DPYD: variants seen among roughly 807,000 people sequenced by gnomAD.
DPYD encodes the protein dihydropyrimidine dehydrogenase [NADP(+)].
A neutral mutation model predicts 116.2 loss-of-function variants in DPYD; 109 were observed. The observed-to-expected ratio is 0.94, with a 90% CI of 0.80 to 1.10. The LOEUF is 1.10. DPYD is among the 50% of genes least tolerant of loss of function. The pLI, the probability that DPYD is intolerant of heterozygous loss-of-function variation, is 0.00. For missense variants in DPYD, 1,302 were observed against 1,254.5 expected (o/e 1.04, Z -0.57); for synonymous variants, 440 against 432.0 (o/e 1.02, Z -0.23).
intron 18 of DPYD, among the ~76,000 whole-genome samples, chr1:97,291,297 G>C (rs1168013954): frequency 3.9e-5 from 6 of 152,022 alleles, no homozygotes; most frequent in African/African-American, 1.4e-4. Flanking sequence ...CAGGGATCTA[G>C]AACTAGAAAT....
At chr1:97,157,902 C>G (rs1655594654) in intron 20 of DPYD, among the ~76,000 whole-genome samples, 1 of 152,046 alleles carries the variant, frequency 6.6e-6, no homozygotes, top group Non-Finnish European at 1.5e-5. Flanking sequence ...ATATCTGCAA[C>G]TAAAGAATAA....
chr1:97,735,520 CAA>C (rs767245436), intron 4 of DPYD, among the ~76,000 whole-genome samples: 406 of 99,842 alleles, frequency 4.1e-3, no homozygotes, highest in Middle Eastern at 0.011. Context: ...AATAAAAATA[CAA>C]AAAAAAAAAA....
intron 3 of DPYD, among the ~76,000 whole-genome samples, chr1:97,758,374 A>C (rs1182904335): frequency 1.4e-5 from 2 of 145,642 alleles, no homozygotes. Flanking sequence ...AAAAAAAAAA[A>C]CAGTTTCATT....
At chr1:97,119,090 A>G (rs970337) in intron 20 of DPYD, among the ~76,000 whole-genome samples, 83,898 of 151,950 alleles carry the variant, frequency 0.55, 23,887 homozygotes, top group African/African-American at 0.68. Context: ...AAGCATACTA[A>G]GTGTGTGATT....
intron 20 of DPYD, among the ~76,000 whole-genome samples, chr1:97,157,758 A>T (rs1439571810): frequency 2.6e-5 from 4 of 152,168 alleles, no homozygotes; most frequent in Non-Finnish European, 5.9e-5. Flanking sequence ...TATATTTTCA[A>T]GTTGTACCGA....
At chr1:97,185,051 G>C (rs890581184) in intron 20 of DPYD, among the ~76,000 whole-genome samples, 1 of 152,068 alleles carries the variant, frequency 6.6e-6, no homozygotes, top group Non-Finnish European at 1.5e-5. Context: ...TTAATGAATT[G>C]CTGAAGGCCA....
intron 20 of DPYD, among the ~76,000 whole-genome samples, chr1:97,158,469 C>CAGACACACACACACA (rs1450882944): frequency 2.0e-5 from 1 of 51,016 alleles, no homozygotes; most frequent in Non-Finnish European, 5.1e-5. Flanking sequence ...AGATAACTCA[C>CAGACACACACACACA]CAGACACACA....
intron 13 of DPYD, among the ~76,000 whole-genome samples, chr1:97,485,801 G>C (rs1395720089): frequency 6.6e-6 from 1 of 152,074 alleles, no homozygotes; most frequent in African/African-American, 2.4e-5. Context: ...TCTGCAGTTG[G>C]CTAAGTAACT....
Position 97,909,523 on chromosome 1 carries a change from C to G in DPYD, c.39+11361G>C, listed in dbSNP as rs115457404. On this transcript the variant is annotated intron_variant, in intron 1 of 22. Transcript: ENST00000370192. ...TTACTTCCTCACATTCTATTTTCTT[C>G]TCAAACCATTTTTATTAGGCTTCTT... is the stretch of plus-strand genomic sequence containing the variant. Among the ~76,000 whole-genome samples, 414 of 152,164 alleles carry G rather than the reference C, an allele frequency of 2.7e-3. 2 individuals are homozygous for G. The highest frequency in any genetic ancestry group is 5.0e-3 in the Non-Finnish European group (337 of 67,966).
At chr1:97,760,596 T>A (rs1454509956) in intron 3 of DPYD, among the ~76,000 whole-genome samples, 2 of 152,108 alleles carry the variant, frequency 1.3e-5, no homozygotes, top group African/African-American at 2.4e-5. Context: ...CCATTTTATA[T>A]CAGGGACTTG....
At chr1:97,185,373 A>C (rs1327813086) in intron 20 of DPYD, among the ~76,000 whole-genome samples, 2 of 152,174 alleles carry the variant, frequency 1.3e-5, no homozygotes, top group African/African-American at 4.8e-5. Flanking sequence ...ACACCCACCC[A>C]CAGCTGGTAG....
rs190516358 is a variant in DPYD at position 97,387,882 on chromosome 1, G to A, written c.1906-5421C>T. Among the ~76,000 whole-genome samples the A allele has an allele frequency of 2.0e-5, 3 of 152,240 alleles. No individual in the cohort carries two copies. In the East Asian group the frequency reaches 5.8e-4, roughly 29 times the overall value. ...ATCTCTGGGAGCTCTGAACCCTGTGGGAGATTGGGTTTTATTGTTGGTGTA... is the reference window on the plus strand; with the variant it reads ...ATCTCTGGGAGCTCTGAACCCTGTGAGAGATTGGGTTTTATTGTTGGTGTA... On this transcript the variant is annotated intron_variant, in intron 14 of 22. Coordinates refer to ENST00000370192, the MANE Select transcript of DPYD (RefSeq NM_000110.4).
intron 8 of DPYD, 55 bp from the exon 9 acceptor site, chr1:97,595,221 A>C: frequency 7.1e-7 from 1 of 1,415,044 alleles, no homozygotes. Context: ...TTTTCCTATT[A>C]GATATTAAAA....
chr1:97,147,115 C>T (rs557435695), intron 20 of DPYD, among the ~76,000 whole-genome samples: 3 of 152,172 alleles, frequency 2.0e-5, no homozygotes, highest in South Asian at 2.1e-4. Context: ...TTTGGGAGGC[C>T]GAGGCCAGTG....
At chr1:97,234,336 G>A (rs1661768540) in intron 19 of DPYD, among the ~76,000 whole-genome samples, 1 of 152,168 alleles carries the variant, frequency 6.6e-6, no homozygotes, top group Non-Finnish European at 1.5e-5. Context: ...ATCCCTTTAA[G>A]AGGACAAGGG....
At chr1:97,677,934 C>T (rs757274323) in intron 8 of DPYD, among the ~76,000 whole-genome samples, 5 of 152,132 alleles carry the variant, frequency 3.3e-5, no homozygotes, top group East Asian at 1.9e-4. Flanking sequence ...GATATTATTT[C>T]GAACTTCATA....
At chr1:97,458,293 A>T (rs1025400935) in intron 13 of DPYD, among the ~76,000 whole-genome samples, 3 of 152,174 alleles carry the variant, frequency 2.0e-5, no homozygotes, top group Non-Finnish European at 4.4e-5. Flanking sequence ...TACTATTTAA[A>T]GGAGTATCTA....
At chr1:97,268,563 A>G (rs1167972069) in intron 18 of DPYD, among the ~76,000 whole-genome samples, 1 of 152,086 alleles carries the variant, frequency 6.6e-6, no homozygotes, top group Non-Finnish European at 1.5e-5. Flanking sequence ...AATTAGCACT[A>G]TGTGGACACT....
chr1:97,750,936 T>A (rs1337293215), intron 3 of DPYD, among the ~76,000 whole-genome samples: 1 of 152,062 alleles, frequency 6.6e-6, no homozygotes, highest in Non-Finnish European at 1.5e-5. Context: ...ATTTGGTGGC[T>A]CATAAAGCTA....
Sources: allele counts gnomAD v4.1 joint callset (sites outside exome capture counted in the v4.1 genomes callset), GRCh38; gene constraint gnomAD v4.1.1; transcripts MANE v1.5; gene names NCBI Gene and HGNC (gene_info 2026-07-23, HGNC 2026-07-21).